Variants in TMEM135 observed in about 807,000 individuals in gnomAD.
The protein encoded by TMEM135 is transmembrane protein 135.
In TMEM135, 30 loss-of-function variants were observed where a neutral mutation model predicts 60.3. The ratio of observed to expected loss-of-function variants is 0.50; its 90% CI spans 0.37 to 0.68. TMEM135 has a LOEUF of 0.68. Among genes scored for constraint, TMEM135 ranks in the 30% least tolerant of loss-of-function variants. The pLI is 0.00. For synonymous variants in TMEM135, 190 were observed against 186.7 expected, an observed-to-expected ratio of 1.02 and a Z score of -0.14; for missense variants, 468 against 548.8, an observed-to-expected ratio of 0.85 and a Z score of 1.47.
chr11:87,117,797 A>T (rs1487239941), intron 4 of TMEM135, among the ~76,000 whole-genome samples: 1 of 152,192 alleles, frequency 6.6e-6, no homozygotes, highest in African/African-American at 2.4e-5. Flanking sequence ...TGAATCACAA[A>T]TGTCCTTAAT....
At chr11:87,233,246 A>G (rs1039687246) in intron 5 of TMEM135, among the ~76,000 whole-genome samples, 6 of 152,120 alleles carry the variant, frequency 3.9e-5, no homozygotes, top group Non-Finnish European at 8.8e-5. Context: ...AATAAATAGC[A>G]AGATGATAGA....
At chr11:87,235,226 C>A (rs1376532216) in intron 5 of TMEM135, among the ~76,000 whole-genome samples, 1 of 151,168 alleles carries the variant, frequency 6.6e-6, no homozygotes, top group African/African-American at 2.4e-5. Context: ...GTAAAATGAA[C>A]CTTATGCATC....
intron 4 of TMEM135, among the ~76,000 whole-genome samples, chr11:87,146,791 C>T (rs1938428971): frequency 6.6e-6 from 1 of 152,012 alleles, no homozygotes; most frequent in Admixed American, 6.6e-5. Flanking sequence ...TTGATATTAA[C>T]TGTGACCATC....
intron 11 of TMEM135, 87 bp downstream of exon 11, chr11:87,313,575 C>G: frequency 1.8e-6 from 2 of 1,130,904 alleles, no homozygotes; most frequent in South Asian, 1.3e-5. Flanking sequence ...CATCCAATTT[C>G]TATGAATCTT....
At chr11:87,176,730 T>C (rs895152335) in intron 5 of TMEM135, among the ~76,000 whole-genome samples, 1 of 152,156 alleles carries the variant, frequency 6.6e-6, no homozygotes, top group African/African-American at 2.4e-5. Flanking sequence ...ACTGTAGTGG[T>C]TTTAGCCTAA....
intron 5 of TMEM135, among the ~76,000 whole-genome samples, chr11:87,178,823 A>G (rs1442958155): frequency 1.3e-5 from 2 of 151,916 alleles, no homozygotes; most frequent in African/African-American, 2.4e-5. Flanking sequence ...TTGTTTATGG[A>G]CATATTAATT....
chr11:87,274,577 C>T (rs1941932633), intron 6 of TMEM135, among the ~76,000 whole-genome samples: 2 of 152,188 alleles, frequency 1.3e-5, no homozygotes, highest in African/African-American at 4.8e-5. Context: ...CTCAAGGATA[C>T]AATACTTAGT....
chr11:87,118,434 A>G (rs1857947816), intron 4 of TMEM135, among the ~76,000 whole-genome samples: 1 of 151,768 alleles, frequency 6.6e-6, no homozygotes, highest in African/African-American at 2.4e-5. Context: ...GATCTTCTGG[A>G]TAACTTCCTG....
chr11:87,171,061 CA>C (rs1243663336), intron 5 of TMEM135, among the ~76,000 whole-genome samples: 2 of 151,894 alleles, frequency 1.3e-5, no homozygotes, highest in Admixed American at 1.3e-4. Context: ...GAGAAGAGGC[CA>C]AAAGGCTTTG....
At chr11:87,147,114 G>C (rs972648248) in intron 4 of TMEM135, among the ~76,000 whole-genome samples, 3 of 152,124 alleles carry the variant, frequency 2.0e-5, no homozygotes, top group Admixed American at 6.5e-5. Context: ...CTGAAGTCAG[G>C]AGTTCAAGGC....
intron 4 of TMEM135, among the ~76,000 whole-genome samples, chr11:87,134,754 G>A (rs1938044175): frequency 6.6e-6 from 1 of 152,170 alleles, no homozygotes; most frequent in Non-Finnish European, 1.5e-5. Context: ...TTGAGTAGCT[G>A]GGACTACAGG....
chr11:87,207,212 T>G (rs1275291998), intron 5 of TMEM135, among the ~76,000 whole-genome samples: 1 of 152,212 alleles, frequency 6.6e-6, no homozygotes, highest in African/African-American at 2.4e-5. Flanking sequence ...TTTGGGCTAT[T>G]TGCTTTAGGA....
At chr11:87,055,099 G>A (rs774987754) in intron 1 of TMEM135, among the ~76,000 whole-genome samples, 4 of 152,144 alleles carry the variant, frequency 2.6e-5, no homozygotes, top group African/African-American at 4.8e-5. Context: ...TTAAGAAGAC[G>A]TTCAGAATGT....
intron 5 of TMEM135, among the ~76,000 whole-genome samples, chr11:87,225,142 A>G (rs1365418202): frequency 6.6e-6 from 1 of 152,164 alleles, no homozygotes; most frequent in Non-Finnish European, 1.5e-5. Context: ...ATGAAATTGA[A>G]TGAAATTTGT....
At chr11:87,295,943 C>T in intron 7 of TMEM135, 120 bp downstream of exon 7, 1 of 826,182 alleles carries the variant, frequency 1.2e-6, no homozygotes, top group Non-Finnish European at 1.9e-6. Flanking sequence ...TTAGAATTCA[C>T]AAAAGTATTT....
intron 6 of TMEM135, among the ~76,000 whole-genome samples, chr11:87,276,558 T>G (rs1000091271): frequency 2.0e-5 from 3 of 148,864 alleles, no homozygotes; most frequent in South Asian, 2.1e-4. Context: ...ATAAGAGTGT[T>G]TGTGTGTGTG....
At chr11:87,156,161 C>G (rs1350604622) in intron 4 of TMEM135, among the ~76,000 whole-genome samples, 1 of 152,102 alleles carries the variant, frequency 6.6e-6, no homozygotes, top group Non-Finnish European at 1.5e-5. Flanking sequence ...GGTCAAATAT[C>G]ATTTGATCAT....
chr11:87,262,351 G>GT (rs1941668930), intron 6 of TMEM135, among the ~76,000 whole-genome samples: 1 of 152,158 alleles, frequency 6.6e-6, no homozygotes, highest in Non-Finnish European at 1.5e-5. Flanking sequence ...CAGTATCCAT[G>GT]TATTTTCGCT....
intron 6 of TMEM135, among the ~76,000 whole-genome samples, chr11:87,286,984 T>C (rs1294798542): frequency 2.0e-5 from 3 of 152,210 alleles, no homozygotes; most frequent in African/African-American, 4.8e-5. Context: ...ATGGCTGATA[T>C]AATCAGAATA....
Sources: gnomAD v4.1 joint callset for allele counts (sites outside exome capture counted in the v4.1 genomes callset) on GRCh38, gnomAD v4.1.1 for gene constraint, MANE v1.5 for transcripts, NCBI Gene and HGNC (gene_info 2026-07-23, HGNC 2026-07-21) for gene names.